Variants in KNL1 observed in about 807,000 individuals in gnomAD.
KNL1 encodes the protein outer kinetochore KNL1 complex subunit KNL1.
Under a neutral mutation model 201.3 loss-of-function variants are expected in KNL1, and 66 were observed. The observed-to-expected ratio is 0.33, with a 90% CI of 0.27 to 0.40. The LOEUF is 0.40. KNL1 is among the 10% of genes least tolerant of loss of function. KNL1 has a pLI of 1.00. For missense variants in KNL1, 2,815 were observed against 2,690.5 expected (o/e 1.05, Z -1.02); for synonymous variants, 895 against 899.2 (o/e 1.00, Z 0.08).
intron 1 of KNL1, among the ~76,000 whole-genome samples, chr15:40,596,097 G>C (rs1008200754): frequency 1.3e-5 from 2 of 152,166 alleles, no homozygotes; most frequent in Admixed American, 1.3e-4. Flanking sequence ...GGATTATTTA[G>C]AGTAGTGGTT....
At chr15:40,627,838 A>G (rs1892797934) in intron 10 of KNL1, among the ~76,000 whole-genome samples, 1 of 152,204 alleles carries the variant, frequency 6.6e-6, no homozygotes, top group South Asian at 2.1e-4. Context: ...TTAGATATAT[A>G]ATGAGAAATA....
At chr15:40,619,163 A>G (rs1892436242) in intron 9 of KNL1, 152 bp downstream of exon 9, 1 of 614,382 alleles carries the variant, frequency 1.6e-6, no homozygotes, top group Non-Finnish European at 3.0e-6. Flanking sequence ...AGTTAACTTA[A>G]GGATAGTTAA....
chr15:40,635,079 C>T (rs1479516059), intron 13 of KNL1, among the ~76,000 whole-genome samples: 3 of 146,186 alleles, frequency 2.1e-5, no homozygotes, highest in Admixed American at 6.9e-5. Context: ...GATGGAGTTT[C>T]GCTTTGTCAT....
intron 13 of KNL1, 103 bp from the exon 14 acceptor site, chr15:40,640,809 T>C (rs1347780947): frequency 5.5e-6 from 4 of 732,228 alleles, no homozygotes; most frequent in South Asian, 1.6e-5. Flanking sequence ...AAATTTTTCT[T>C]TGTAGAACAT....
At chr15:40,661,605 G>A (rs28709448) in intron 25 of KNL1, among the ~76,000 whole-genome samples, 1 of 152,054 alleles carries the variant, frequency 6.6e-6, no homozygotes, top group Non-Finnish European at 1.5e-5. Context: ...ATATAGAATT[G>A]GTTCTTAGGC....
At chr15:40,659,715 C>T (rs1213515179) in intron 25 of KNL1, among the ~76,000 whole-genome samples, 3 of 151,980 alleles carry the variant, frequency 2.0e-5, no homozygotes, top group Non-Finnish European at 4.4e-5. Flanking sequence ...CTCCTGACCT[C>T]GTGGTCCGCC....
rs552075840 is a variant in KNL1, at chr15:40,612,048, T to G, written c.284+537T>G. The stretch of plus-strand genomic sequence containing the variant: ...AATACAAAAAATTGGCCGGGCACAG[T>G]GGCTTACGCCTGTAAACCAAGCACT... On this transcript the variant is annotated intron_variant, in intron 7 of 25. Transcript: ENST00000399668. Among the ~76,000 whole-genome samples, 7 of 152,212 alleles carry G rather than the reference T, an allele frequency of 4.6e-5. No homozygotes were observed. The East Asian group carries it at 1.4e-3, about 29-fold the overall frequency.
intron 24 of KNL1, among the ~76,000 whole-genome samples, chr15:40,658,561 C>CAA (rs35180053): frequency 1.8e-4 from 13 of 74,182 alleles, no homozygotes; most frequent in African/African-American, 5.3e-4. Context: ...GAATCTGTCT[C>CAA]AAAAAAAAAA....
At chr15:40,638,985 A>G (rs1335000518) in intron 13 of KNL1, among the ~76,000 whole-genome samples, 2 of 142,022 alleles carry the variant, frequency 1.4e-5, no homozygotes, top group African/African-American at 5.3e-5. Context: ...CTAATTTTGT[A>G]TTTTGTATTG....
At position 40,662,374 on chromosome 15, in the gene KNL1, G is replaced by A. The variant is rs1207394939; in HGVS notation, c.*186G>A. The stretch of plus-strand genomic sequence containing the variant: ...GATGGTGATGAAGTCTGGATGGTAG[G>A]CCTCATAGCCTACTATCAACTTACT... On this transcript the variant is annotated 3_prime_UTR_variant, in exon 26 of 26. Transcript: ENST00000399668. 4.0e-6 allele frequency: 2 copies of A among 503,436 alleles called. No individual in the cohort carries two copies. The highest frequency in any genetic ancestry group is 2.0e-5 in the African/African-American group (1 of 50,934). 31.2% of individuals were successfully genotyped at this position (503,436 alleles called of 1,614,324 possible). A position where few individuals can be genotyped will look rare whatever the true frequency, so the allele number is the denominator to read the frequency against.
intron 2 of KNL1, 110 bp downstream of exon 2, chr15:40,603,076 A>G: frequency 2.9e-6 from 2 of 699,552 alleles, no homozygotes; most frequent in Non-Finnish European, 4.7e-6. Flanking sequence ...TTGTGTTCCA[A>G]GAAAAAGTAG....
At chr15:40,629,545 C>T (rs1300395262) in intron 13 of KNL1, among the ~76,000 whole-genome samples, 174 bp downstream of exon 13, 1 of 131,142 alleles carries the variant, frequency 7.6e-6, no homozygotes, top group Non-Finnish European at 1.5e-5. Context: ...GCTCTGTTGC[C>T]CAAACTGGAA....
At chr15:40,599,042 C>T (rs1891701801) in intron 1 of KNL1, among the ~76,000 whole-genome samples, 1 of 151,966 alleles carries the variant, frequency 6.6e-6, no homozygotes, top group Non-Finnish European at 1.5e-5. Context: ...TGGAGTCAAG[C>T]AGTCCTCCCA....
In KNL1 at chr15:40,622,109, T is replaced by G. The variant is rs1290484772; in HGVS notation, c.1845T>G (p.Ile615Met). 6.2e-7 allele frequency: 1 copy of G among 1,614,092 alleles called. No homozygotes were observed. The highest frequency in any genetic ancestry group is 2.2e-5 in the East Asian group (1 of 44,870). ...SKSSSDECEEITKSRNEPFQR... is the reference protein window; with the variant it reads ...SKSSSDECEEMTKSRNEPFQR... ...GCTCTTCAGATGAATGTGAAGAAAT[T>G]ACCAAAAGTCGTAATGAACCATTTC... The change falls in exon 10 of 26, where the codon ATT becomes ATG. Residue 615 changes from isoleucine to methionine, a missense_variant. Physicochemically the swap from Ile to Met is conservative, Grantham distance 10. Around this residue, in one of 3 missense-constraint regions of KNL1, gnomAD observed 2,464 missense variants for 2,291.7 expected, o/e 1.08. Coordinates refer to ENST00000399668, the MANE Select transcript of KNL1 (RefSeq NM_144508.5).
intron 17 of KNL1, among the ~76,000 whole-genome samples, chr15:40,649,140 A>C (rs1893482114): frequency 6.7e-6 from 1 of 149,402 alleles, no homozygotes; most frequent in South Asian, 2.1e-4. Flanking sequence ...GCCTGGCCCA[A>C]ACTTAACTTT....
Position 40,628,190 on chromosome 15 carries a change from A to C in KNL1, c.5497A>C (p.Thr1833Pro). ...SSLDSIKADG[T>P]SLDFSTYRSS... Reference sequence around the variant, plus strand: ...TCTGGATTCAATCAAGGCTGATGGGACCTCTCTGGACTTCAGCAGTAAGAG... The same window carrying C: ...TCTGGATTCAATCAAGGCTGATGGGCCCTCTCTGGACTTCAGCAGTAAGAG... Residue 1833 changes from threonine to proline, a missense_variant, in exon 11 of 26, where the codon ACC (threonine) becomes CCC (proline). By Grantham distance (38) the Thr-to-Pro change is conservative (BLOSUM62 -1). Around this residue, in one of 3 missense-constraint regions of KNL1, gnomAD observed 2,464 missense variants for 2,291.7 expected, o/e 1.08. Coordinates refer to ENST00000399668, the MANE Select transcript of KNL1 (RefSeq NM_144508.5). The C allele has an allele frequency of 6.2e-7, 1 of 1,603,232 alleles. No homozygotes were observed. The highest frequency in any genetic ancestry group is 1.1e-5 in the South Asian group (1 of 88,526).
At position 40,624,191 on chromosome 15, in the gene KNL1, T is replaced by C; in HGVS notation, c.3927T>C (p.Ile1309=). 1 of 1,613,966 alleles carries C rather than the reference T, an allele frequency of 6.2e-7. No individual in the cohort carries two copies. The highest frequency in any genetic ancestry group is 8.5e-7 in the Non-Finnish European group (1 of 1,179,940). ...SDNYSCLPNV[I]SCTDNLEGSA... ...ATTATTCCTGTTTACCAAATGTTAT[T>C]TCCTGTACTGATAATTTGGAGGGTA... The change falls in exon 10 of 26, where the codon ATT becomes ATC. Residue 1309 remains isoleucine (I), a synonymous_variant. Coordinates refer to ENST00000399668, the MANE Select transcript of KNL1 (RefSeq NM_144508.5).
intron 24 of KNL1, 111 bp downstream of exon 24, chr15:40,657,584 T>C: frequency 1.6e-6 from 1 of 630,624 alleles, no homozygotes; most frequent in East Asian, 2.7e-5. Flanking sequence ...GGTGTTATTC[T>C]TTCTGAGGGC....
rs575300203 is a variant in KNL1, at chr15:40,657,533, C to T, written c.6713+60C>T. 8 of 887,796 alleles carry T rather than the reference C, an allele frequency of 9.0e-6. No individual in the cohort carries two copies. In the African/African-American group the frequency reaches 1.3e-4, roughly 15 times the overall value. The allele number at this position is 887,796 out of a possible 1,614,324, so 55.0% of individuals were successfully genotyped here. A position where few individuals can be genotyped will look rare whatever the true frequency, so the allele number is the denominator to read the frequency against. ...GAGTACTACAAATTGGGTACCTTAA[C>T]AGGTTCTGGAGGCTGGAGGTCTGAG... On this transcript the variant is annotated intron_variant, in intron 24 of 25. Transcript: ENST00000399668.
Sources: gnomAD v4.1 joint callset for allele counts (sites outside exome capture counted in the v4.1 genomes callset) on GRCh38, gnomAD v4.1.1 for gene constraint, gnomAD v4.1.1 regional missense constraint, MANE v1.5 for transcripts, NCBI Gene and HGNC (gene_info 2026-07-23, HGNC 2026-07-21) for gene names.